Variants in PRKCH observed in about 807,000 individuals in gnomAD.
PRKCH encodes protein kinase C eta type.
PRKCH carries 28 observed loss-of-function variants against 82.5 expected under a neutral mutation model. The ratio of observed to expected loss-of-function variants is 0.34; its 90% CI spans 0.25 to 0.47. The LOEUF (loss-of-function observed/expected upper bound fraction) is 0.47, where lower values mean the gene tolerates loss of function less well. Among genes scored for constraint, PRKCH ranks in the 20% least tolerant of loss-of-function variants. PRKCH has a pLI of 1.00. For synonymous variants in PRKCH, 322 were observed against 327.4 expected, an observed-to-expected ratio of 0.98 and a Z score of 0.18; for missense variants, 705 against 881.8, an observed-to-expected ratio of 0.80 and a Z score of 2.54.
intron 1 of PRKCH, among the ~76,000 whole-genome samples, chr14:61,194,994 A>T (rs1487599639): frequency 6.6e-6 from 1 of 152,222 alleles, no homozygotes; most frequent in Non-Finnish European, 1.5e-5. Context: ...TTTGCCTCTC[A>T]AAGTGCTGAG....
chr14:61,214,318 G>T (rs1249068178), intron 1 of PRKCH, among the ~76,000 whole-genome samples: 1 of 152,152 alleles, frequency 6.6e-6, no homozygotes, highest in Non-Finnish European at 1.5e-5. Flanking sequence ...GAAGTGAAGG[G>T]CCCATTCCCA....
At chr14:61,326,074 G>A (rs2045692051) in intron 1 of PRKCH, among the ~76,000 whole-genome samples, 1 of 152,192 alleles carries the variant, frequency 6.6e-6, no homozygotes, top group South Asian at 2.1e-4. Flanking sequence ...TCAAACATAT[G>A]CCTACTATAT....
chr14:61,474,020 T>C (rs1160400848), intron 9 of PRKCH, among the ~76,000 whole-genome samples: 1 of 151,794 alleles, frequency 6.6e-6, no homozygotes, highest in Non-Finnish European at 1.5e-5. Flanking sequence ...AAAAATCTTT[T>C]AGTAGATGTT....
chr14:61,227,968 C>A (rs1446168045), intron 1 of PRKCH, among the ~76,000 whole-genome samples: 3 of 152,174 alleles, frequency 2.0e-5, no homozygotes, highest in Middle Eastern at 3.2e-3. Flanking sequence ...CTTTTCTTAA[C>A]CCTCCCTAAA....
At position 61,280,381 on chromosome 14, in the gene PRKCH, G is replaced by A. The variant is rs779669151; in HGVS notation, c.-19+92713G>A. 67 of 1,613,896 alleles carry A rather than the reference G, an allele frequency of 4.2e-5. 3 individuals carry two copies. In the South Asian group the frequency reaches 6.5e-4, roughly 16 times the overall value. ...TTTGCGGAACGTGGGCAGCGCCGCC[G>A]TGCGCATCCACACCACGAAGTCCTG... On this transcript the variant is annotated intron_variant, in intron 1 of 3. Transcript: ENST00000555185. This position sits in a 1 kb window ranked among gnomAD's most constrained non-coding sequence, Gnocchi z 5.0.
rs768296722 is a variant in PRKCH, at chr14:61,280,900, C to T, written c.-19+93232C>T. 2 of 1,547,102 alleles carry T rather than the reference C, an allele frequency of 1.3e-6. No homozygotes were observed. The highest frequency in any genetic ancestry group is 4.0e-5 in the Admixed American group (2 of 50,274). ...GGGGGGCGGCAGCGCCCGGCCCTGG[C>T]CAGCCGCGGCGCACACCGAGCAGTT... On this transcript the variant is annotated intron_variant, in intron 1 of 3. Coordinates refer to the PRKCH transcript ENST00000555185. The surrounding 1 kb of genome is among the most constrained non-coding windows in gnomAD (Gnocchi z 5.0).
intron 1 of PRKCH, among the ~76,000 whole-genome samples, chr14:61,294,784 AC>A (rs11313871): frequency 0.057 from 8,730 of 151,986 alleles, 432 homozygotes; most frequent in East Asian, 0.16. Context: ...AAGGAGATGC[AC>A]CCCCCGCAAA....
rs147045785 is a variant in PRKCH, at chr14:61,297,161, G to A, written c.-19+109493G>A. Among the ~76,000 whole-genome samples, 244 of 152,300 alleles carry A rather than the reference G, an allele frequency of 1.6e-3. 1 individual carries two copies. Among genetic ancestry groups the A allele is most frequent in the African/African-American group, 5.4e-3 (224 of 41,572 alleles). On this transcript the variant is annotated intron_variant, in intron 1 of 3. Transcript: ENST00000555185. The stretch of plus-strand genomic sequence containing the variant: ...TATGGAAAGCACTTGGCATTCAAAT[G>A]CTAGGCTATGCAGAAGAAAGTAACG...
At chr14:61,215,949 G>A (rs944922788) in intron 1 of PRKCH, among the ~76,000 whole-genome samples, 15 of 152,158 alleles carry the variant, frequency 9.9e-5, no homozygotes, top group Non-Finnish European at 2.1e-4. Flanking sequence ...GTTTTAAGAC[G>A]CATCCAGGAG....
rs746024652 is a variant in PRKCH at position 61,354,937 on chromosome 14, G to T, written c.363+32473G>T. Reference sequence around the variant, plus strand: ...GGGACATTATGTCTGGCATATACCAGGCACAGAAATTCAAATGAGTACTTG... The same window carrying T: ...GGGACATTATGTCTGGCATATACCATGCACAGAAATTCAAATGAGTACTTG... On this transcript the variant is annotated intron_variant, in intron 1 of 13. Transcript: ENST00000332981. 5.5e-4 allele frequency among the ~76,000 whole-genome samples: 84 copies of T among 152,152 alleles called. 1 individual carries two copies. Among genetic ancestry groups the T allele is most frequent in the Non-Finnish European group, 1.3e-4 (9 of 68,032 alleles).
At chr14:61,435,732 GAATGAA>G (rs1883647018) in intron 2 of PRKCH, among the ~76,000 whole-genome samples, 2 of 150,370 alleles carry the variant, frequency 1.3e-5, no homozygotes, top group African/African-American at 4.9e-5. Flanking sequence ...ATGAATGAAT[GAATGAA>G]TGAAACCAGA....
chr14:61,206,808 G>GA (rs139565381), intron 1 of PRKCH, among the ~76,000 whole-genome samples: 9,978 of 147,014 alleles, frequency 0.068, 1,054 homozygotes, highest in African/African-American at 0.23. Context: ...ATTAGAAAAA[G>GA]AAAAAAAAAA....
chr14:61,249,375 C>T (rs2044919061), intron 1 of PRKCH, among the ~76,000 whole-genome samples: 1 of 152,028 alleles, frequency 6.6e-6, no homozygotes, highest in African/African-American at 2.4e-5. Context: ...TATCCGAATG[C>T]AAGTTCTAAA....
At chr14:61,522,426 C>T (rs967059299) in intron 10 of PRKCH, among the ~76,000 whole-genome samples, 7 of 152,176 alleles carry the variant, frequency 4.6e-5, no homozygotes, top group Admixed American at 2.0e-4. Flanking sequence ...CTGGTCCCTG[C>T]TCTCTCCTGT....
chr14:61,277,108 C>T (rs773732599), intron 1 of PRKCH, among the ~76,000 whole-genome samples: 12 of 152,242 alleles, frequency 7.9e-5, no homozygotes, highest in Non-Finnish European at 1.5e-4. Context: ...ATCTCTTGAA[C>T]CCAGGAAGCG....
intron 1 of PRKCH, among the ~76,000 whole-genome samples, chr14:61,247,887 T>G (rs2044902083): frequency 6.6e-6 from 1 of 152,152 alleles, no homozygotes; most frequent in African/African-American, 2.4e-5. Context: ...AGAGATCATC[T>G]GGAAATACTG....
At chr14:61,390,819 C>T (rs181657895) in intron 1 of PRKCH, 194 of 164,710 alleles carry the variant, frequency 1.2e-3, no homozygotes, top group Non-Finnish European at 2.1e-3. Flanking sequence ...GTTGACCAAG[C>T]CACATGTGTT....
intron 1 of PRKCH, among the ~76,000 whole-genome samples, chr14:61,302,234 A>G (rs1181780989): frequency 1.3e-5 from 2 of 152,276 alleles, no homozygotes; most frequent in African/African-American, 4.8e-5. Context: ...AATACTTACC[A>G]TAAATCCTGC....
At chr14:61,193,506 T>C (rs922712594) in intron 1 of PRKCH, among the ~76,000 whole-genome samples, 2 of 152,022 alleles carry the variant, frequency 1.3e-5, no homozygotes, top group African/African-American at 4.8e-5. Context: ...ATGTAAAGAG[T>C]GATTATCTGT....
Sources: allele counts gnomAD v4.1 joint callset (sites outside exome capture counted in the v4.1 genomes callset), GRCh38; gene constraint gnomAD v4.1.1; non-coding constraint Gnocchi (gnomAD v3.1); transcripts MANE v1.5; gene names NCBI Gene and HGNC (gene_info 2026-07-23, HGNC 2026-07-21).